EPS15L1: variants seen among roughly 807,000 people sequenced by gnomAD.
EPS15L1 encodes epidermal growth factor receptor pathway substrate 15 like 1, also known as epidermal growth factor receptor substrate 15-like 1.
EPS15L1 carries 43 observed loss-of-function variants against 117.1 expected under a neutral mutation model. The observed-to-expected ratio is 0.37, with a 90% confidence interval of 0.29 to 0.47. EPS15L1 has a LOEUF of 0.47. Among genes scored for constraint, EPS15L1 ranks in the 20% least tolerant of loss-of-function variants. The probability of loss-of-function intolerance (pLI) is 0.99; values close to 1 mark genes in which losing one functional copy is unlikely to be tolerated. For missense variants in EPS15L1, 981 were observed against 1,164.0 expected, an observed-to-expected ratio of 0.84 and a Z score of 2.29; for synonymous variants, 459 against 470.5, an observed-to-expected ratio of 0.98 and a Z score of 0.32.
intron 21 of EPS15L1, among the ~76,000 whole-genome samples, chr19:16,380,186 G>A (rs917439412): frequency 2.0e-5 from 3 of 150,626 alleles, no homozygotes; most frequent in Non-Finnish European, 4.4e-5. Flanking sequence ...ACACAGACGT[G>A]GCCGTGTAAG....
At chr19:16,420,189 T>C (rs1457255341) in intron 10 of EPS15L1, among the ~76,000 whole-genome samples, 1 of 152,234 alleles carries the variant, frequency 6.6e-6, no homozygotes, top group Non-Finnish European at 1.5e-5. Flanking sequence ...TCCTTCCCCT[T>C]TGCTGCCCGC....
chr19:16,428,896 C>A, intron 7 of EPS15L1, 135 bp from the exon 8 acceptor site: 1 of 664,446 alleles, frequency 1.5e-6, no homozygotes, highest in Non-Finnish European at 2.7e-6. Context: ...CATTTCAGGA[C>A]CAGTCCGCGA....
At chr19:16,441,306 A>C (rs1329252577) in intron 3 of EPS15L1, 1 of 210,208 alleles carries the variant, frequency 4.8e-6, no homozygotes, top group Non-Finnish European at 9.9e-6. Flanking sequence ...CCCCGTCCCT[A>C]CTAAAAATAC....
chr19:16,425,468 A>C (rs2092862612), intron 8 of EPS15L1, 152 bp from the exon 9 acceptor site: 2 of 637,946 alleles, frequency 3.1e-6, no homozygotes, highest in African/African-American at 3.7e-5. Flanking sequence ...ATCATTCCTC[A>C]TGAGTTATCT....
intron 22 of EPS15L1, among the ~76,000 whole-genome samples, chr19:16,367,104 G>C (rs2092143842): frequency 6.6e-6 from 1 of 151,782 alleles, no homozygotes; most frequent in African/African-American, 2.4e-5. Flanking sequence ...TTTCAGAAAA[G>C]GGGATGGAAA....
chr19:16,396,395 A>T (rs1278394087), intron 16 of EPS15L1, among the ~76,000 whole-genome samples: 1 of 152,116 alleles, frequency 6.6e-6, no homozygotes, highest in Non-Finnish European at 1.5e-5. Flanking sequence ...CCGAGTAGCC[A>T]GGACTATAGG....
chr19:16,413,106 G>T, intron 13 of EPS15L1: 1 of 683,154 alleles, frequency 1.5e-6, no homozygotes, highest in Non-Finnish European at 2.7e-6. Context: ...TGGCCACATC[G>T]GTCTGGGTAT....
At chr19:16,440,597 A>T (rs1273206009) in intron 4 of EPS15L1, 1 of 242,026 alleles carries the variant, frequency 4.1e-6, no homozygotes, top group Admixed American at 5.4e-5. Context: ...AAGTCTGGAC[A>T]ACACTTTAAT....
At chr19:16,467,440 GCACC>G (rs1273973422) in intron 1 of EPS15L1, among the ~76,000 whole-genome samples, 2 of 152,042 alleles carry the variant, frequency 1.3e-5, no homozygotes, top group Non-Finnish European at 2.9e-5. Context: ...GTCAGCCACT[GCACC>G]CGGCCTGGAA....
intron 1 of EPS15L1, among the ~76,000 whole-genome samples, chr19:16,445,943 T>A (rs1194210483): frequency 6.6e-6 from 1 of 152,220 alleles, no homozygotes; most frequent in African/African-American, 2.4e-5. Flanking sequence ...CTGCAGTGTG[T>A]GAATTGTTGA....
rs1041775425 is a variant in EPS15L1 at position 16,365,254 on chromosome 19, T to C, written c.2381-3270A>G. Among the ~76,000 whole-genome samples the C allele has an allele frequency of 1.3e-5, 2 of 152,130 alleles. No homozygotes were observed. The highest frequency in any genetic ancestry group is 4.8e-5 in the African/African-American group (2 of 41,420). On this transcript the variant is annotated intron_variant, in intron 22 of 23. Coordinates refer to ENST00000455140, the MANE Select transcript of EPS15L1 (RefSeq NM_001258374.3). The surrounding 1 kb of genome is among the most constrained non-coding windows in gnomAD (Gnocchi z 4.9). Reference sequence around the variant, plus strand: ...TTCTTAATCCAAACAAAGGGCTGTGTCCCCCCAACAATTGTTCATACGTTC... The same window carrying C: ...TTCTTAATCCAAACAAAGGGCTGTGCCCCCCCAACAATTGTTCATACGTTC...
In EPS15L1 at chr19:16,355,594, C is replaced by T; in HGVS notation, c.*111G>A. 7.4e-7 allele frequency: 1 copy of T among 1,351,966 alleles called. No individual in the cohort carries two copies. The highest frequency in any genetic ancestry group is 9.9e-7 in the Non-Finnish European group (1 of 1,007,474). The allele number at this position is 1,351,966 out of a possible 1,614,324, so 83.7% of individuals were successfully genotyped here. A position where few individuals can be genotyped will look rare whatever the true frequency, so the allele number is the denominator to read the frequency against. The stretch of plus-strand genomic sequence containing the variant: ...GCTCACCCTGAACAAGCCCCCGAGT[C>T]CCGGTCCTTGGAGTACGGTGGCGAC... On this transcript the variant is annotated 3_prime_UTR_variant, in exon 24 of 24. Coordinates refer to ENST00000455140, the MANE Select transcript of EPS15L1 (RefSeq NM_001258374.3).
intron 19 of EPS15L1, among the ~76,000 whole-genome samples, chr19:16,388,515 G>T (rs1599562381): frequency 6.6e-6 from 1 of 152,060 alleles, no homozygotes; most frequent in East Asian, 1.9e-4. Flanking sequence ...TTACATACAG[G>T]ATAACAATGA....
At chr19:16,421,518 T>TA (rs1262689544) in intron 9 of EPS15L1, 42 bp from the exon 10 acceptor site, 1 of 1,589,452 alleles carries the variant, frequency 6.3e-7, no homozygotes, top group South Asian at 1.1e-5. Flanking sequence ...GGAAGCTTTT[T>TA]ATGACCCCCA....
intron 4 of EPS15L1, among the ~76,000 whole-genome samples, chr19:16,439,679 A>C (rs537408965): frequency 3.5e-4 from 53 of 152,092 alleles, no homozygotes; most frequent in Non-Finnish European, 7.1e-4. Flanking sequence ...CAACAGAGCG[A>C]GGCTCAAAAA....
chr19:16,443,863 G>C (rs1479645061), intron 1 of EPS15L1, among the ~76,000 whole-genome samples: 1 of 151,970 alleles, frequency 6.6e-6, no homozygotes, highest in Non-Finnish European at 1.5e-5. Flanking sequence ...AGGAGCTCAA[G>C]ATCAGTCTGG....
chr19:16,423,070 G>C (rs765998650), intron 9 of EPS15L1, among the ~76,000 whole-genome samples: 1 of 152,112 alleles, frequency 6.6e-6, no homozygotes, highest in African/African-American at 2.4e-5. Flanking sequence ...GGGAAACAAT[G>C]GTTAAACTCG....
rs1322553529 is a variant in EPS15L1 at position 16,370,248 on chromosome 19, G to A, written c.2380+6874C>T. 2.0e-5 allele frequency among the ~76,000 whole-genome samples: 3 copies of A among 152,168 alleles called. No homozygotes were observed. The East Asian group carries it at 5.8e-4, about 29-fold the overall frequency. On this transcript the variant is annotated intron_variant, in intron 22 of 23. Transcript: ENST00000455140. The surrounding 1 kb of genome is among the most constrained non-coding windows in gnomAD (Gnocchi z 5.2). ...GATATTTTGCAGTTAGCAGTGGCAG[G>A]CAAGGGGCGCGCTGACTCAGGGCTT...
At chr19:16,402,549 T>G in intron 15 of EPS15L1, 64 bp from the exon 16 acceptor site, 1 of 1,461,798 alleles carries the variant, frequency 6.8e-7, no homozygotes, top group Non-Finnish European at 9.2e-7. Context: ...AAAGACGCTT[T>G]TTTTTTTTAA....
Sources: gnomAD v4.1 joint callset for allele counts (sites outside exome capture counted in the v4.1 genomes callset) on GRCh38, gnomAD v4.1.1 for gene constraint, Gnocchi (gnomAD v3.1) non-coding constraint, MANE v1.5 for transcripts, NCBI Gene and HGNC (gene_info 2026-07-23, HGNC 2026-07-21) for gene names.